Variants in PCDHGB3 observed in about 807,000 individuals in gnomAD.
PCDHGB3 encodes protocadherin gamma-B3.
In PCDHGB3, 40 loss-of-function variants were observed where a neutral mutation model predicts 59.2. That is an observed-to-expected ratio of 0.68 (90% CI 0.52 to 0.88). PCDHGB3 has a LOEUF of 0.88. Ranked by LOEUF, PCDHGB3 falls within the 40% of genes least tolerant of loss-of-function variation. The pLI, the probability that PCDHGB3 is intolerant of heterozygous loss-of-function variation, is 0.00. For synonymous variants in PCDHGB3, 581 were observed against 503.6 expected, an observed-to-expected ratio of 1.15 and a Z score of -2.06; for missense variants, 1,309 against 1,187.9, an observed-to-expected ratio of 1.10 and a Z score of -1.50.
chr5:141,410,320 C>T (rs752279818), intron 1 of PCDHGB3: 54 of 1,613,880 alleles, frequency 3.3e-5, no homozygotes, highest in Non-Finnish European at 4.5e-5. Context: ...TCCTCCTCGC[C>T]GTGATTCTGG....
At chr5:141,438,765 G>A (rs1012158127) in intron 1 of PCDHGB3, among the ~76,000 whole-genome samples, 5 of 149,658 alleles carry the variant, frequency 3.3e-5, no homozygotes, top group Middle Eastern at 3.4e-3. Context: ...GGGTTCAAGC[G>A]ATTCTCCTGC....
chr5:141,417,185 A>C (rs2096092787), intron 1 of PCDHGB3: 1 of 152,216 alleles, frequency 6.6e-6, no homozygotes, highest in Admixed American at 6.5e-5. Context: ...AGGAATTATT[A>C]CTTTCTGGGT....
chr5:141,450,150 G>T (rs1314865325), intron 1 of PCDHGB3, among the ~76,000 whole-genome samples: 1 of 150,342 alleles, frequency 6.7e-6, no homozygotes, highest in Non-Finnish European at 1.5e-5. Flanking sequence ...GGGACTACAG[G>T]CATGTGCCAC....
chr5:141,380,503 A>G (rs1353992586), intron 1 of PCDHGB3, among the ~76,000 whole-genome samples: 1 of 152,196 alleles, frequency 6.6e-6, no homozygotes, highest in African/African-American at 2.4e-5. Context: ...ACAATAATAT[A>G]CACTCTTTAA....
intron 1 of PCDHGB3, chr5:141,397,991 C>T (rs960718940): frequency 1.5e-6 from 2 of 1,340,100 alleles, no homozygotes; most frequent in African/African-American, 3.0e-5. Context: ...TACACCGCTT[C>T]CTCCTCGGAA....
chr5:141,398,203 T>C (rs1365410987), intron 1 of PCDHGB3: 2 of 1,489,610 alleles, frequency 1.3e-6, no homozygotes. Flanking sequence ...GTCTTTGTTC[T>C]GCCCGGCGCT....
rs551129846 is a variant in PCDHGB3, at chr5:141,432,711, A to T, written c.2415+59902A>T. 5 of 1,613,944 alleles carry T rather than the reference A, an allele frequency of 3.1e-6. No individual in the cohort carries two copies. The Admixed American group carries it at 8.3e-5, about 27-fold the overall frequency. ...GTAGTGGCCGTCCAGGACCACGGCCAGCCCCCTCTCTCCGCCACTGTCACG... is the reference window on the plus strand; with the variant it reads ...GTAGTGGCCGTCCAGGACCACGGCCTGCCCCCTCTCTCCGCCACTGTCACG... On this transcript the variant is annotated intron_variant, in intron 1 of 3. Transcript: ENST00000576222. This position sits in a 1 kb window ranked among gnomAD's most constrained non-coding sequence, Gnocchi z 6.0.
chr5:141,418,635 C>G, intron 1 of PCDHGB3: 1 of 1,614,018 alleles, frequency 6.2e-7, no homozygotes. Flanking sequence ...CCTCCAGGCA[C>G]CTCCATCCTG....
rs1340974686 is a variant in PCDHGB3, at chr5:141,477,604, C to T, written c.2416-17203C>T. The T allele has an allele frequency of 6.2e-7, 1 of 1,614,084 alleles. No individual in the cohort carries two copies. Among genetic ancestry groups the T allele is most frequent in the Non-Finnish European group, 8.5e-7 (1 of 1,180,054 alleles). ...AGAATGCTCGGCTTTCTTTCTTTCT[C>T]TTGGAGCAAGGAGCTGAAACCGGGC... On this transcript the variant is annotated intron_variant, in intron 1 of 3. Coordinates refer to ENST00000576222, the MANE Select transcript of PCDHGB3 (RefSeq NM_018924.5). The surrounding 1 kb of genome is among the most constrained non-coding windows in gnomAD (Gnocchi z 4.9).
chr5:141,393,126 A>T, intron 1 of PCDHGB3: 1 of 1,613,436 alleles, frequency 6.2e-7, no homozygotes, highest in Non-Finnish European at 8.5e-7. Context: ...GTGTCTGATA[A>T]ATATTAACAC....
intron 1 of PCDHGB3, among the ~76,000 whole-genome samples, chr5:141,381,018 ATTAG>A (rs1442442460): frequency 4.6e-5 from 7 of 152,398 alleles, no homozygotes; most frequent in Admixed American, 1.3e-4. Context: ...TAATACCTCT[ATTAG>A]TTCCTTTAAA....
At position 141,423,386 on chromosome 5, in the gene PCDHGB3, G is replaced by C; in HGVS notation, c.2415+50577G>C. ...CTGCTGGCACTCAGGCTGTGGCGCT[G>C]GCATAAGTCACGCCTGCTGCAGGCT... On this transcript the variant is annotated intron_variant, in intron 1 of 3. Transcript: ENST00000576222. The C allele has an allele frequency of 1.9e-6, 3 of 1,614,160 alleles. No homozygotes were observed. The South Asian group carries it at 3.3e-5, about 18-fold the overall frequency.
intron 1 of PCDHGB3, chr5:141,441,694 G>A (rs1443778772): frequency 2.3e-5 from 7 of 301,140 alleles, no homozygotes; most frequent in Non-Finnish European, 2.6e-5. Context: ...GAGCAGCCGC[G>A]AGCCTTCAAG....
At chr5:141,388,733 A>G in intron 1 of PCDHGB3, 1 of 1,613,986 alleles carries the variant, frequency 6.2e-7, no homozygotes, top group Non-Finnish European at 8.5e-7. Context: ...CTTTCAGTGA[A>G]GCTAGCCAGA....
At chr5:141,418,669 C>T (rs2096278985) in intron 1 of PCDHGB3, 1 of 1,614,018 alleles carries the variant, frequency 6.2e-7, no homozygotes, top group Non-Finnish European at 8.5e-7. Flanking sequence ...CTGACCAGGA[C>T]GAGGGCATCA....
chr5:141,382,990 A>T, intron 1 of PCDHGB3: 4 of 1,613,412 alleles, frequency 2.5e-6, no homozygotes, highest in Non-Finnish European at 3.4e-6. Context: ...GGCAGGACGT[A>T]TTCTCTACTC....
chr5:141,419,616 AC>A, intron 1 of PCDHGB3: 1 of 1,612,204 alleles, frequency 6.2e-7, no homozygotes, highest in Non-Finnish European at 8.5e-7. Flanking sequence ...CAGCCAGGCT[AC>A]CTGGTGACCA....
chr5:141,433,080 A>T lies in PCDHGB3; in HGVS notation c.2415+60271A>T, dbSNP rs1315049041. 4.3e-6 allele frequency: 7 copies of T among 1,614,174 alleles called. No homozygotes were observed. The East Asian group carries it at 1.6e-4, about 36-fold the overall frequency. ...AGTCACCTGATCTTCCCCCAGCCCA[A>T]CTATGCAGACATGCTCGTCAGCCAG... On this transcript the variant is annotated intron_variant, in intron 1 of 3. Transcript: ENST00000576222.
Position 141,512,270 on chromosome 5 carries a change from G to C in PCDHGB3, c.*1097G>C, listed in dbSNP as rs1188941232. On this transcript the variant is annotated 3_prime_UTR_variant, in exon 4 of 4. Transcript: ENST00000576222. ...TCTGTGGGTGCTGGGTACTCCAGAG[G>C]TGCCACTGGTGGAAGGGTCAGCGGA... 6.5e-6 allele frequency: 1 copy of C among 152,714 alleles called. No homozygotes were observed. The highest frequency in any genetic ancestry group is 2.4e-5 in the African/African-American group (1 of 41,452). The allele number at this position is 152,714 out of a possible 1,614,324, so 9.5% of individuals were successfully genotyped here. A position where few individuals can be genotyped will look rare whatever the true frequency, so the allele number is the denominator to read the frequency against.
Sources: allele counts gnomAD v4.1 joint callset (sites outside exome capture counted in the v4.1 genomes callset), GRCh38; gene constraint gnomAD v4.1.1; non-coding constraint Gnocchi (gnomAD v3.1); transcripts MANE v1.5; gene names NCBI Gene and HGNC (gene_info 2026-07-23, HGNC 2026-07-21).